The following SEL1L2 variants were observed in gnomAD, a reference collection of about 807,000 sequenced individuals.
SEL1L2 encodes the protein protein sel-1 homolog 2.
SEL1L2 carries 89 observed loss-of-function variants against 98.8 expected under a neutral mutation model. The ratio of observed to expected loss-of-function variants is 0.90; its 90% confidence interval spans 0.76 to 1.07. The LOEUF (loss-of-function observed/expected upper bound fraction) is 1.07, where lower values mean the gene tolerates loss of function less well. Ranked by LOEUF, SEL1L2 falls within the 50% of genes least tolerant of loss-of-function variation. The probability of loss-of-function intolerance (pLI) is 0.00; values close to 1 mark genes in which losing one functional copy is unlikely to be tolerated. For synonymous variants in SEL1L2, 262 were observed against 278.5 expected (o/e 0.94, Z 0.59); for missense variants, 788 against 812.0 (o/e 0.97, Z 0.36).
chr20:13,903,058 C>A (rs997231973), intron 5 of SEL1L2, among the ~76,000 whole-genome samples: 1 of 141,356 alleles, frequency 7.1e-6, no homozygotes, highest in East Asian at 2.1e-4. Flanking sequence ...GCAAAGATTG[C>A]AGTGAGGTGA....
At chr20:13,889,746 G>A (rs553872455) in intron 5 of SEL1L2, among the ~76,000 whole-genome samples, 28 of 152,208 alleles carry the variant, frequency 1.8e-4, no homozygotes, top group Admixed American at 7.2e-4. Context: ...CACCAAGATC[G>A]CGCCACTGCA....
At chr20:13,937,260 C>T (rs1290935338) in intron 2 of SEL1L2, among the ~76,000 whole-genome samples, 1 of 152,190 alleles carries the variant, frequency 6.6e-6, no homozygotes, top group East Asian at 1.9e-4. Flanking sequence ...AATAAGACAG[C>T]CAAATGCCTA....
chr20:13,889,443 C>A (rs1424746653), intron 5 of SEL1L2, among the ~76,000 whole-genome samples: 1 of 152,042 alleles, frequency 6.6e-6, no homozygotes, highest in Non-Finnish European at 1.5e-5. Context: ...GCAATAAAAC[C>A]AAGGGCCCTT....
chr20:13,916,106 AC>A (rs1179779891), intron 4 of SEL1L2, among the ~76,000 whole-genome samples: 1 of 152,202 alleles, frequency 6.6e-6, no homozygotes, highest in East Asian at 1.9e-4. Flanking sequence ...TGTACTTTAA[AC>A]AGCACTGACT....
rs183911451 is a variant in SEL1L2, at chr20:13,850,541, T to C, written c.1819-222A>G. On this transcript the variant is annotated intron_variant, in intron 18 of 19. Coordinates refer to ENST00000284951, the MANE Select transcript of SEL1L2 (RefSeq NM_025229.2). The stretch of plus-strand genomic sequence containing the variant: ...AGATGTGGTGGAGGGAGACTTCAGA[T>C]TGATTCTCAGCATGAGGGACTCAAC... Among the ~76,000 whole-genome samples, 6 of 152,288 alleles carry C rather than the reference T, an allele frequency of 3.9e-5. No individual in the cohort carries two copies. In the East Asian group the frequency reaches 5.8e-4, roughly 15 times the overall value.
chr20:13,968,150 A>T (rs1765482122), intron 1 of SEL1L2, among the ~76,000 whole-genome samples: 2 of 152,226 alleles, frequency 1.3e-5, no homozygotes, highest in Non-Finnish European at 2.9e-5. Context: ...CAAAATTTCC[A>T]TAAAAACTAA....
chr20:13,920,550 CACT>C (rs780320942), intron 3 of SEL1L2, among the ~76,000 whole-genome samples: 20 of 149,898 alleles, frequency 1.3e-4, no homozygotes, highest in Non-Finnish European at 2.8e-4. Flanking sequence ...TGCACACACA[CACT>C]ATTTTTCTCT....
At chr20:13,923,731 G>A (rs901645520) in intron 3 of SEL1L2, among the ~76,000 whole-genome samples, 1 of 152,104 alleles carries the variant, frequency 6.6e-6, no homozygotes, top group South Asian at 2.1e-4. Context: ...TCCAGCCTTG[G>A]CGACAGAGTA....
At chr20:13,870,104 G>T in intron 13 of SEL1L2, 37 bp downstream of exon 13, 2 of 1,418,718 alleles carry the variant, frequency 1.4e-6, no homozygotes, top group Non-Finnish European at 2.0e-6. Flanking sequence ...CCTGTAAATT[G>T]CTACAAATAA....
intron 1 of SEL1L2, among the ~76,000 whole-genome samples, chr20:13,985,724 C>G (rs2052139697): frequency 6.6e-6 from 1 of 152,118 alleles, no homozygotes; most frequent in African/African-American, 2.4e-5. Flanking sequence ...AGGATATTCA[C>G]AAATTTATGC....
intron 5 of SEL1L2, among the ~76,000 whole-genome samples, chr20:13,912,219 A>G (rs1268287509): frequency 6.6e-6 from 1 of 151,786 alleles, no homozygotes; most frequent in Admixed American, 6.6e-5. Context: ...GACTCACAGG[A>G]CACCCATGGG....
rs2046414259 is a variant in SEL1L2, at chr20:13,876,074, A to G, written c.1068T>C (p.Ala356=). 3.7e-6 allele frequency: 6 copies of G among 1,614,170 alleles called. No individual in the cohort carries two copies. Among genetic ancestry groups the G allele is most frequent in the Non-Finnish European group, 5.1e-6 (6 of 1,179,950 alleles). ...CCATGGAAAAGTACTTGAAGGCAGT[A>G]GCGTTATTTTGCGGCACGGCAGCAT... ...EGNAAVPQNN[A]TAFKYFSMAA... The change falls in exon 12 of 20, where the codon GCT becomes GCC. Residue 356 remains alanine (A), a synonymous_variant. Transcript: ENST00000284951.
intron 18 of SEL1L2, among the ~76,000 whole-genome samples, chr20:13,854,831 A>G (rs1460756955): frequency 1.3e-5 from 2 of 152,266 alleles, no homozygotes. Context: ...AGGAAGGTGG[A>G]TCACGAGGTC....
At chr20:13,860,583 A>C (rs181132823) in intron 17 of SEL1L2, among the ~76,000 whole-genome samples, 147 of 150,886 alleles carry the variant, frequency 9.7e-4, no homozygotes, top group African/African-American at 3.4e-3. Context: ...CTCTTGTCTG[A>C]CTCCTCTGCC....
At chr20:13,849,658 A>G (rs1360517659) in intron 19 of SEL1L2, 54 bp from the exon 20 acceptor site, 17 of 1,594,296 alleles carry the variant, frequency 1.1e-5, no homozygotes, top group Non-Finnish European at 1.5e-5. Flanking sequence ...ACCTCCACTC[A>G]GAGCCACCAT....
chr20:13,977,579 A>G (rs929715445), intron 1 of SEL1L2, among the ~76,000 whole-genome samples: 67 of 152,180 alleles, frequency 4.4e-4, no homozygotes, highest in African/African-American at 1.5e-3. Context: ...GAGACTTATG[A>G]ACCCTTATGT....
At chr20:13,866,588 G>C in intron 15 of SEL1L2, 114 bp downstream of exon 15, 1 of 890,524 alleles carries the variant, frequency 1.1e-6, no homozygotes, top group Non-Finnish European at 1.6e-6. Context: ...TTGTCAACTG[G>C]AAGAAAAGAG....
Position 13,869,259 on chromosome 20 carries a change from A to G in SEL1L2, c.1255+244T>C, listed in dbSNP as rs536018874. 6.6e-5 allele frequency among the ~76,000 whole-genome samples: 10 copies of G among 152,196 alleles called. No individual in the cohort carries two copies. In the East Asian group the frequency reaches 1.9e-3, roughly 29 times the overall value. On this transcript the variant is annotated intron_variant, in intron 14 of 19. Coordinates refer to ENST00000284951, the MANE Select transcript of SEL1L2 (RefSeq NM_025229.2). Reference sequence around the variant, plus strand: ...GTCGTACTTGCTTCTGGGGATGTGCACGGGATATCGCTAGCACCTCCAACT... The same window carrying G: ...GTCGTACTTGCTTCTGGGGATGTGCGCGGGATATCGCTAGCACCTCCAACT...
chr20:13,907,346 C>G (rs1271307920), intron 5 of SEL1L2, among the ~76,000 whole-genome samples: 1 of 152,020 alleles, frequency 6.6e-6, no homozygotes, highest in Non-Finnish European at 1.5e-5. Context: ...TGGAGGATCA[C>G]TTGAGGCCAG....
Sources: gnomAD v4.1 joint callset for allele counts (sites outside exome capture counted in the v4.1 genomes callset) on GRCh38, gnomAD v4.1.1 for gene constraint, MANE v1.5 for transcripts, NCBI Gene and HGNC (gene_info 2026-07-23, HGNC 2026-07-21) for gene names.